Variants in VWA5A observed in about 807,000 individuals in gnomAD.
VWA5A encodes von Willebrand factor A domain containing 5A.
Under a neutral mutation model 84.6 loss-of-function variants are expected in VWA5A, and 77 were observed. The observed-to-expected ratio is 0.91, with a 90% CI of 0.76 to 1.10. The LOEUF (loss-of-function observed/expected upper bound fraction) is 1.10. Among genes scored for constraint, VWA5A ranks in the 50% least tolerant of loss-of-function variants. VWA5A has a pLI of 0.00. For synonymous variants in VWA5A, 334 were observed against 350.1 expected (o/e 0.95, Z 0.51); for missense variants, 973 against 963.0 (o/e 1.01, Z -0.14).
At chr11:124,143,812 C>T (rs1591367885) in intron 17 of VWA5A, among the ~76,000 whole-genome samples, 1 of 151,978 alleles carries the variant, frequency 6.6e-6, no homozygotes, top group East Asian at 1.9e-4. Context: ...GCACTGGGAA[C>T]AAAAAACTTC....
At chr11:124,132,171 C>T (rs190239648) in intron 11 of VWA5A, among the ~76,000 whole-genome samples, 40 of 152,146 alleles carry the variant, frequency 2.6e-4, no homozygotes, top group South Asian at 2.5e-3. Flanking sequence ...GTTAGACCAA[C>T]CTTGAATTTC....
intron 7 of VWA5A, 135 bp downstream of exon 7, chr11:124,119,224 TATGTC>T: frequency 1.3e-6 from 1 of 794,294 alleles, no homozygotes; most frequent in Non-Finnish European, 2.0e-6. Context: ...TAGTTTACAC[TATGTC>T]ATGCAAAAAT....
intron 15 of VWA5A, among the ~76,000 whole-genome samples, chr11:124,137,965 C>A (rs1166451025): frequency 6.6e-6 from 1 of 152,206 alleles, no homozygotes; most frequent in Non-Finnish European, 1.5e-5. Context: ...CTCAAGCAAT[C>A]CTCCCACCTC....
Position 124,118,065 on chromosome 11 carries a change from T to C in VWA5A, c.247-124T>C, listed in dbSNP as rs1864864194. The C allele has an allele frequency of 1.2e-5, 16 of 1,289,596 alleles. No individual in the cohort carries two copies. In the East Asian group the frequency reaches 3.8e-4, roughly 30 times the overall value. 79.9% of individuals were successfully genotyped at this position (1,289,596 alleles called of 1,614,324 possible). A position where few individuals can be genotyped will look rare whatever the true frequency, so the allele number is the denominator to read the frequency against. On this transcript the variant is annotated intron_variant, in intron 4 of 18. Transcript: ENST00000456829. The stretch of plus-strand genomic sequence containing the variant: ...TGGGGAAAGAAATCAATCAGAGGCA[T>C]TCAGAGTATAGCTGTGATTAGACAA...
chr11:124,135,646 T>C (rs1865167154), intron 12 of VWA5A, among the ~76,000 whole-genome samples: 1 of 141,756 alleles, frequency 7.1e-6, no homozygotes, highest in Admixed American at 7.1e-5. Flanking sequence ...TTCTCCTGCC[T>C]CAGCCTCCTG....
intron 8 of VWA5A, 97 bp from the exon 9 acceptor site, chr11:124,123,269 G>A: frequency 6.6e-7 from 1 of 1,516,156 alleles, no homozygotes; most frequent in East Asian, 2.3e-5. Flanking sequence ...AAGGCACAAG[G>A]TGGGGGATGG....
intron 17 of VWA5A, among the ~76,000 whole-genome samples, chr11:124,143,549 G>T (rs1860766993): frequency 6.6e-6 from 1 of 152,014 alleles, no homozygotes; most frequent in Non-Finnish European, 1.5e-5. Context: ...TTATAAAAAG[G>T]AATAAAACAT....
chr11:124,145,496 T>C, intron 18 of VWA5A, 133 bp downstream of exon 18: 1 of 1,314,090 alleles, frequency 7.6e-7, no homozygotes, highest in Non-Finnish European at 1.0e-6. Flanking sequence ...GCTAGTTCTT[T>C]TCTTGGGAGG....
chr11:124,141,676 A>C lies in VWA5A; in HGVS notation c.1958A>C (p.Lys653Thr). The C allele has an allele frequency of 6.2e-7, 1 of 1,614,210 alleles. No individual in the cohort carries two copies. The highest frequency in any genetic ancestry group is 1.1e-5 in the South Asian group (1 of 91,080). ...GGGGAACTTATGTGTTATAAGGCCA[A>C]GACATTCCAGATGGACGATTACAGT... ...PRGELMCYKAKTFQMDDYSLC... is the reference protein window; with the variant it reads ...PRGELMCYKATTFQMDDYSLC... Residue 653 changes from lysine (K) to threonine (T), a missense_variant, in exon 16 of 19, where the codon AAG (lysine) becomes ACG (threonine). Lys to Thr is a moderately conservative substitution (Grantham distance 78, BLOSUM62 -1). Transcript: ENST00000456829.
rs530062184 is a variant in VWA5A at position 124,119,003 on chromosome 11, A to G, written c.674A>G (p.Asp225Gly). 5.6e-6 allele frequency: 9 copies of G among 1,614,110 alleles called. No homozygotes were observed. The South Asian group carries it at 9.9e-5, about 18-fold the overall frequency. Residue 225 changes from aspartate (D) to glycine (G), a missense_variant, in exon 7 of 19, where the codon GAT becomes GGT. Transcript: ENST00000456829. ...TCCCTGGCTGCTGGACACAAGTTTG[A>G]TCGGGACGTGGAACTCCTGATTTAC... ...QVSLAAGHKFDRDVELLIYYN... is the reference protein window; with the variant it reads ...QVSLAAGHKFGRDVELLIYYN...
chr11:124,126,201 A>C (rs1865016405), intron 11 of VWA5A, among the ~76,000 whole-genome samples: 1 of 152,176 alleles, frequency 6.6e-6, no homozygotes, highest in Non-Finnish European at 1.5e-5. Flanking sequence ...CATAACCAAG[A>C]CTGTCTTGAT....
chr11:124,124,147 A>G, intron 10 of VWA5A, 90 bp from the exon 11 acceptor site: 2 of 1,251,870 alleles, frequency 1.6e-6, no homozygotes, highest in South Asian at 2.6e-5. Context: ...GAGCCTCTGC[A>G]ATGAAATAGG....
chr11:124,123,574 T>G (rs749683507), intron 9 of VWA5A, 86 bp from the exon 10 acceptor site: 73 of 1,611,418 alleles, frequency 4.5e-5, no homozygotes, highest in Non-Finnish European at 6.2e-5. Context: ...AAGACTCTCT[T>G]TTAATGGGGG....
chr11:124,141,100 T>C (rs1040294274), intron 15 of VWA5A, among the ~76,000 whole-genome samples: 8 of 152,186 alleles, frequency 5.3e-5, no homozygotes, highest in African/African-American at 1.9e-4. Context: ...TATGGTCTAG[T>C]TTTCAGATAC....
chr11:124,127,402 T>A (rs1591360146), intron 11 of VWA5A, among the ~76,000 whole-genome samples: 1 of 152,214 alleles, frequency 6.6e-6, no homozygotes, highest in South Asian at 2.1e-4. Context: ...ACATTTTCTT[T>A]ATCCAGTCTA....
intron 11 of VWA5A, among the ~76,000 whole-genome samples, chr11:124,130,493 T>A (rs1347341139): frequency 6.6e-6 from 1 of 152,190 alleles, no homozygotes; most frequent in African/African-American, 2.4e-5. Context: ...GTCTATTAGC[T>A]TCACTTGGTC....
intron 11 of VWA5A, chr11:124,124,836 A>G (rs1864994545): frequency 6.6e-6 from 1 of 152,526 alleles, no homozygotes; most frequent in South Asian, 2.1e-4. Context: ...GTTATACAGT[A>G]TGCTTTTGTT....
Position 124,118,311 on chromosome 11 carries a change from G to T in VWA5A, c.369G>T (p.Ala123=). The part of the protein sequence containing the change: ...NVGNLQPGSK[A]AVTLKYVQEL... The stretch of plus-strand genomic sequence containing the variant: ...GTAACCTCCAACCTGGGTCGAAGGC[G>T]GCAGTCACCCTGAAGTATGTGCAGG... Residue 123 remains alanine (A), a synonymous_variant, in exon 5 of 19, where the codon GCG becomes GCT. Transcript: ENST00000456829. 5 of 1,614,184 alleles carry T rather than the reference G, an allele frequency of 3.1e-6. No homozygotes were observed. The highest frequency in any genetic ancestry group is 4.2e-6 in the Non-Finnish European group (5 of 1,180,038).
chr11:124,145,704 T>G (rs760313274), intron 18 of VWA5A, among the ~76,000 whole-genome samples, 162 bp from the exon 19 acceptor site: 18 of 152,116 alleles, frequency 1.2e-4, no homozygotes, highest in Non-Finnish European at 2.6e-4. Flanking sequence ...TGAGTGTATC[T>G]GGGGCCAGAG....
Sources: gnomAD v4.1 joint callset for allele counts (sites outside exome capture counted in the v4.1 genomes callset) on GRCh38, gnomAD v4.1.1 for gene constraint, MANE v1.5 for transcripts, NCBI Gene and HGNC (gene_info 2026-07-23, HGNC 2026-07-21) for gene names.